Variants in NEGR1 observed in about 807,000 individuals in gnomAD.
NEGR1 encodes the protein neuronal growth regulator 1.
In NEGR1, 10 loss-of-function variants were observed where a neutral mutation model predicts 40.9. The observed-to-expected ratio is 0.24, with a 90% confidence interval of 0.15 to 0.42. The LOEUF is 0.42. NEGR1 is among the 10% of genes least tolerant of loss of function. The pLI, the probability that NEGR1 is intolerant of heterozygous loss-of-function variation, is 1.00. For synonymous variants in NEGR1, 185 were observed against 166.8 expected (o/e 1.11, Z -0.84); for missense variants, 352 against 438.9 (o/e 0.80, Z 1.77).
chr1:72,269,813 C>T (rs1570204441), intron 1 of NEGR1, among the ~76,000 whole-genome samples: 2 of 126,606 alleles, frequency 1.6e-5, no homozygotes, highest in African/African-American at 1.1e-4. Flanking sequence ...CTAGTAAATG[C>T]ATGTGACCTT....
At chr1:72,012,974 A>T (rs1475419291) in intron 1 of NEGR1, among the ~76,000 whole-genome samples, 1 of 151,608 alleles carries the variant, frequency 6.6e-6, no homozygotes, top group Non-Finnish European at 1.5e-5. Flanking sequence ...TGGAAAAAAA[A>T]ACAGATTAAT....
At chr1:71,629,924 C>T (rs569155273) in intron 4 of NEGR1, among the ~76,000 whole-genome samples, 190 of 152,028 alleles carry the variant, frequency 1.2e-3, no homozygotes, top group African/African-American at 4.4e-3. Context: ...TGACCAAATA[C>T]TGACATCAAT....
At chr1:71,958,384 C>T (rs1646135431) in intron 1 of NEGR1, among the ~76,000 whole-genome samples, 3 of 151,978 alleles carry the variant, frequency 2.0e-5, no homozygotes, top group African/African-American at 7.3e-5. Context: ...TAATTTATAA[C>T]TGGAAATAAA....
chr1:71,746,390 TTAGA>T (rs1197114419), intron 3 of NEGR1, among the ~76,000 whole-genome samples: 1 of 152,184 alleles, frequency 6.6e-6, no homozygotes, highest in Non-Finnish European at 1.5e-5. Flanking sequence ...GATAGCAAAC[TTAGA>T]TAGGTGTTTC....
intron 1 of NEGR1, among the ~76,000 whole-genome samples, chr1:72,145,181 C>G: frequency 6.6e-6 from 1 of 152,018 alleles, no homozygotes; most frequent in Non-Finnish European, 1.5e-5. Flanking sequence ...ACTATAAGAC[C>G]TCCTTAAATA....
chr1:71,634,839 A>C (rs1651094019), intron 4 of NEGR1, among the ~76,000 whole-genome samples: 1 of 152,122 alleles, frequency 6.6e-6, no homozygotes, highest in African/African-American at 2.4e-5. Context: ...GTAAAATTAG[A>C]GTCCTTATTA....
At chr1:71,860,654 G>A (rs879838884) in intron 2 of NEGR1, among the ~76,000 whole-genome samples, 1 of 151,912 alleles carries the variant, frequency 6.6e-6, no homozygotes, top group African/African-American at 2.4e-5. Context: ...GTTTGCTGGG[G>A]CTGATAAATA....
At chr1:72,221,286 A>C (rs1654004327) in intron 1 of NEGR1, among the ~76,000 whole-genome samples, 1 of 152,126 alleles carries the variant, frequency 6.6e-6, no homozygotes, top group Non-Finnish European at 1.5e-5. Flanking sequence ...ACCTTATCAT[A>C]ATTTGATTAC....
At chr1:72,026,965 G>T (rs1646816243) in intron 1 of NEGR1, among the ~76,000 whole-genome samples, 2 of 151,320 alleles carry the variant, frequency 1.3e-5, no homozygotes, top group South Asian at 2.1e-4. Flanking sequence ...TTGCTCTGTC[G>T]CCCAGGCTGG....
intron 5 of NEGR1, among the ~76,000 whole-genome samples, chr1:71,604,731 A>G (rs1336607047): frequency 2.0e-5 from 3 of 152,182 alleles, no homozygotes; most frequent in Non-Finnish European, 4.4e-5. Flanking sequence ...ATTCATTCGT[A>G]TCTGCACACA....
intron 6 of NEGR1, among the ~76,000 whole-genome samples, chr1:71,474,229 G>A (rs1001561681): frequency 5.9e-5 from 9 of 151,264 alleles, no homozygotes; most frequent in African/African-American, 2.2e-4. Context: ...ACAGAAAGTG[G>A]TTTATTTTCA....
At chr1:71,840,054 G>A (rs115375110) in intron 2 of NEGR1, among the ~76,000 whole-genome samples, 332 of 152,208 alleles carry the variant, frequency 2.2e-3, no homozygotes, top group African/African-American at 7.5e-3. Flanking sequence ...TTTATCAAAT[G>A]TGATTATATG....
chr1:71,773,230 G>A (rs1233553275), intron 3 of NEGR1, among the ~76,000 whole-genome samples: 1 of 152,148 alleles, frequency 6.6e-6, no homozygotes, highest in Non-Finnish European at 1.5e-5. Flanking sequence ...CCATGAGTGA[G>A]TCAGCAAGAA....
chr1:72,023,618 C>T (rs1380657780), intron 1 of NEGR1, among the ~76,000 whole-genome samples: 1 of 149,788 alleles, frequency 6.7e-6, no homozygotes, highest in Admixed American at 6.7e-5. Context: ...TTCTTCCATA[C>T]TAGATTACAA....
At chr1:71,553,800 A>T (rs1202264293) in intron 6 of NEGR1, among the ~76,000 whole-genome samples, 2 of 151,556 alleles carry the variant, frequency 1.3e-5, no homozygotes, top group Admixed American at 6.6e-5. Flanking sequence ...ATTTGCCTAA[A>T]CTCAAATTTG....
rs147003564 is a variant in NEGR1 at position 72,184,284 on chromosome 1, T to C, written c.176+98035A>G. ...TCAGTAGCAACAACAGCAACATTAC[T>C]GGCAACAAAGAGGGTGTTCAGACTG... On this transcript the variant is annotated intron_variant, in intron 1 of 6. Transcript: ENST00000357731. Among the ~76,000 whole-genome samples the C allele has an allele frequency of 1.4e-4, 21 of 152,196 alleles. 1 individual carries two copies. The East Asian group carries it at 4.1e-3, about 29-fold the overall frequency.
At chr1:71,541,660 A>G (rs1167547295) in intron 6 of NEGR1, among the ~76,000 whole-genome samples, 3 of 151,820 alleles carry the variant, frequency 2.0e-5, no homozygotes, top group Non-Finnish European at 4.4e-5. Context: ...CAGCAGGAAC[A>G]GAACGGGCTG....
At chr1:71,781,559 T>C (rs1381919621) in intron 2 of NEGR1, among the ~76,000 whole-genome samples, 2 of 152,178 alleles carry the variant, frequency 1.3e-5, no homozygotes, top group Admixed American at 1.3e-4. Context: ...ATGCCAGGGC[T>C]AAAAGGTAGA....
intron 1 of NEGR1, among the ~76,000 whole-genome samples, chr1:72,073,444 T>C (rs1026435091): frequency 2.0e-5 from 3 of 152,162 alleles, no homozygotes; most frequent in Non-Finnish European, 4.4e-5. Flanking sequence ...TCTATGTATC[T>C]GTGCAACGAT....
Sources: gnomAD v4.1 joint callset for allele counts (sites outside exome capture counted in the v4.1 genomes callset) on GRCh38, gnomAD v4.1.1 for gene constraint, MANE v1.5 for transcripts, NCBI Gene and HGNC (gene_info 2026-07-23, HGNC 2026-07-21) for gene names.